Variants in PSMA8 observed in about 807,000 individuals in gnomAD.
PSMA8 encodes the protein proteasome subunit alpha-type 8.
PSMA8 carries 18 observed loss-of-function variants against 32.4 expected under a neutral mutation model. The observed-to-expected ratio is 0.56, with a 90% confidence interval of 0.38 to 0.82. The LOEUF is 0.82. Ranked by LOEUF, PSMA8 falls within the 40% of genes least tolerant of loss-of-function variation. The pLI is 0.00. For synonymous variants in PSMA8, 104 were observed against 98.1 expected (o/e 1.06, Z -0.36); for missense variants, 298 against 300.7 (o/e 0.99, Z 0.07).
chr18:26,140,735 G>A (rs2054948760), intron 1 of PSMA8, among the ~76,000 whole-genome samples: 1 of 152,134 alleles, frequency 6.6e-6, no homozygotes, highest in Non-Finnish European at 1.5e-5. Flanking sequence ...AAAGAGTTAG[G>A]AACATACCCG....
intron 6 of PSMA8, among the ~76,000 whole-genome samples, chr18:26,188,950 C>T (rs1269219381): frequency 6.6e-6 from 1 of 151,944 alleles, no homozygotes; most frequent in African/African-American, 2.4e-5. Context: ...TGAGTAGTAC[C>T]CTACAAACAC....
intron 6 of PSMA8, among the ~76,000 whole-genome samples, chr18:26,183,247 C>T (rs2055326880): frequency 6.7e-6 from 1 of 149,928 alleles, no homozygotes; most frequent in South Asian, 2.1e-4. Flanking sequence ...CAAAAATTAG[C>T]TGGGCGTGGT....
rs1398891926 is a variant in PSMA8 at position 26,179,276 on chromosome 18, GTTT to G, written c.660+150_660+152del. Reference sequence around the variant, plus strand: ...TCCACTCATTTCTGACCGTCTACCGGTTTTTTGTTTGTTTTTTGTGTTTTTTTT... The same window carrying G: ...TCCACTCATTTCTGACCGTCTACCGGTTTGTTTGTTTTTTGTGTTTTTTTT... On this transcript the variant is annotated intron_variant, in intron 6 of 6. Transcript: ENST00000415576. The G allele has an allele frequency of 1.9e-5, 10 of 531,980 alleles. No homozygotes were observed. The Admixed American group carries it at 3.7e-4, about 20-fold the overall frequency. 33.0% of individuals were successfully genotyped at this position (531,980 alleles called of 1,614,324 possible). A position where few individuals can be genotyped will look rare whatever the true frequency, so the allele number is the denominator to read the frequency against.
At chr18:26,143,578 C>T (rs2054976615) in intron 1 of PSMA8, among the ~76,000 whole-genome samples, 1 of 152,138 alleles carries the variant, frequency 6.6e-6, no homozygotes, top group South Asian at 2.1e-4. Context: ...TGTCGTAGAC[C>T]TTATTGTTTG....
intron 2 of PSMA8, among the ~76,000 whole-genome samples, chr18:26,149,650 T>A (rs1445141091): frequency 1.3e-5 from 2 of 152,194 alleles, no homozygotes; most frequent in Non-Finnish European, 2.9e-5. Flanking sequence ...GTCAAATGAC[T>A]TTTATCAAGG....
chr18:26,137,412 T>C (rs2144265246), intron 1 of PSMA8, among the ~76,000 whole-genome samples: 1 of 152,234 alleles, frequency 6.6e-6, no homozygotes, highest in South Asian at 2.1e-4. Flanking sequence ...GAGCTGAGAT[T>C]GCACCAGTGT....
intron 1 of PSMA8, among the ~76,000 whole-genome samples, chr18:26,138,345 T>A (rs1031241465): frequency 6.6e-6 from 1 of 152,174 alleles, no homozygotes; most frequent in Non-Finnish European, 1.5e-5. Context: ...GAGACAGAGG[T>A]AGCTTTTATT....
intron 4 of PSMA8, among the ~76,000 whole-genome samples, chr18:26,178,583 C>T (rs1384689065): frequency 1.3e-5 from 2 of 152,196 alleles, no homozygotes; most frequent in African/African-American, 4.8e-5. Flanking sequence ...GCCTGGGCAA[C>T]AGAGTGAGAT....
chr18:26,140,861 T>C (rs959157504), intron 1 of PSMA8, among the ~76,000 whole-genome samples: 2 of 152,192 alleles, frequency 1.3e-5, no homozygotes, highest in African/African-American at 4.8e-5. Context: ...GATTAGTTCT[T>C]TTCTGAAATT....
chr18:26,164,540 A>C (rs1467425533), intron 4 of PSMA8, among the ~76,000 whole-genome samples: 1 of 152,234 alleles, frequency 6.6e-6, no homozygotes, highest in East Asian at 1.9e-4. Flanking sequence ...TATTATTGTC[A>C]TTGGATTTAA....
intron 6 of PSMA8, among the ~76,000 whole-genome samples, chr18:26,190,337 T>C (rs1454642824): frequency 4.6e-5 from 7 of 152,218 alleles, no homozygotes; most frequent in Admixed American, 3.9e-4. Flanking sequence ...AGGGGATGGA[T>C]ACCCCATTCT....
rs45579132 is a variant in PSMA8, at chr18:26,174,346, T to G, written c.478-4484T>G. On this transcript the variant is annotated intron_variant, in intron 4 of 6. Transcript: ENST00000415576. ...GAAGTTGTACACATTTTTTAAAATA[T>G]TCTTCCTTTCACTTACAATATAGCT... Among the ~76,000 whole-genome samples, 208 of 152,378 alleles carry G rather than the reference T, an allele frequency of 1.4e-3. 1 individual carries two copies. Among genetic ancestry groups the G allele is most frequent in the Non-Finnish European group, 1.9e-3 (130 of 68,040 alleles).
At chr18:26,190,620 A>G (rs1014790309) in intron 6 of PSMA8, among the ~76,000 whole-genome samples, 3 of 152,094 alleles carry the variant, frequency 2.0e-5, no homozygotes, top group Non-Finnish European at 4.4e-5. Flanking sequence ...ATGGTGGTTC[A>G]CATCTGTAGC....
At chr18:26,191,934 C>T (rs1313673718) in intron 6 of PSMA8, among the ~76,000 whole-genome samples, 4 of 152,284 alleles carry the variant, frequency 2.6e-5, no homozygotes, top group African/African-American at 4.8e-5. Flanking sequence ...ATAAACTGAT[C>T]AAATTATTAA....
intron 1 of PSMA8, among the ~76,000 whole-genome samples, chr18:26,134,814 C>T (rs970187001): frequency 1.4e-4 from 22 of 152,026 alleles, no homozygotes; most frequent in African/African-American, 5.1e-4. Context: ...ATTAGCCAGG[C>T]GTGGTGGCGC....
At chr18:26,184,753 G>A (rs904308879) in intron 6 of PSMA8, among the ~76,000 whole-genome samples, 2 of 135,802 alleles carry the variant, frequency 1.5e-5, no homozygotes, top group African/African-American at 2.8e-5. Context: ...CAGCATAGGC[G>A]ATAGAGCAAG....
chr18:26,175,314 T>C (rs2055255250), intron 4 of PSMA8, among the ~76,000 whole-genome samples: 2 of 152,170 alleles, frequency 1.3e-5, no homozygotes. Context: ...TATTAGGAAG[T>C]GCCATTGGTA....
chr18:26,190,968 A>G (rs2055397874), intron 6 of PSMA8, among the ~76,000 whole-genome samples: 1 of 152,214 alleles, frequency 6.6e-6, no homozygotes, highest in Non-Finnish European at 1.5e-5. Context: ...GGGTAAATTC[A>G]TTTCATAAAA....
At chr18:26,154,896 T>A (rs2055075848) in intron 3 of PSMA8, among the ~76,000 whole-genome samples, 1 of 150,216 alleles carries the variant, frequency 6.7e-6, no homozygotes, top group Non-Finnish European at 1.5e-5. Context: ...ATTACAGGCG[T>A]GAGCCACCAC....
Sources: allele counts gnomAD v4.1 joint callset (sites outside exome capture counted in the v4.1 genomes callset), GRCh38; gene constraint gnomAD v4.1.1; transcripts MANE v1.5; gene names NCBI Gene and HGNC (gene_info 2026-07-23, HGNC 2026-07-21).